Variants in PDGFC observed in about 807,000 individuals in gnomAD.
The protein encoded by PDGFC is platelet-derived growth factor C.
In PDGFC, 12 loss-of-function variants were observed where a neutral mutation model predicts 35.5. The ratio of observed to expected loss-of-function variants is 0.34; its 90% CI spans 0.22 to 0.55. The LOEUF is 0.55. Among genes scored for constraint, PDGFC ranks in the 20% least tolerant of loss-of-function variants. The pLI, the probability that PDGFC is intolerant of heterozygous loss-of-function variation, is 0.91. For missense variants in PDGFC, 322 were observed against 412.4 expected (o/e 0.78, Z 1.90); for synonymous variants, 159 against 148.8 (o/e 1.07, Z -0.50).
At chr4:156,891,631 G>A (rs1213239956) in intron 1 of PDGFC, among the ~76,000 whole-genome samples, 1 of 152,184 alleles carries the variant, frequency 6.6e-6, no homozygotes, top group Non-Finnish European at 1.5e-5. Flanking sequence ...CACCTTGCCA[G>A]TAAGAAAAGA....
At chr4:156,944,518 C>T (rs554721858) in intron 1 of PDGFC, among the ~76,000 whole-genome samples, 6 of 152,232 alleles carry the variant, frequency 3.9e-5, no homozygotes, top group African/African-American at 1.4e-4. Context: ...TACATACTTT[C>T]ACCATCACAA....
intron 3 of PDGFC, among the ~76,000 whole-genome samples, chr4:156,806,719 T>C (rs1009920382): frequency 6.6e-6 from 1 of 152,080 alleles, no homozygotes; most frequent in Non-Finnish European, 1.5e-5. Flanking sequence ...AACTGAGAAA[T>C]AAAACTTTTA....
At position 156,761,236 on chromosome 4, in the gene PDGFC, A is replaced by C. The variant is rs1407789564; in HGVS notation, c.*1854T>G. On this transcript the variant is annotated 3_prime_UTR_variant, in exon 6 of 6. Transcript: ENST00000502773. Reference sequence around the variant, plus strand: ...CATATCTTGAAGTGTGCAATGTACAATAATCCATGCACCAAATCAATTTAT... The same window carrying C: ...CATATCTTGAAGTGTGCAATGTACACTAATCCATGCACCAAATCAATTTAT... 3 of 152,216 alleles carry C rather than the reference A, an allele frequency of 2.0e-5. No homozygotes were observed. Among genetic ancestry groups the C allele is most frequent in the Non-Finnish European group, 2.9e-5 (2 of 68,026 alleles). The allele number at this position is 152,216 out of a possible 1,614,324, so 9.4% of individuals were successfully genotyped here.
intron 1 of PDGFC, among the ~76,000 whole-genome samples, chr4:156,885,606 T>G (rs342314): frequency 6.6e-6 from 1 of 151,878 alleles, no homozygotes; most frequent in African/African-American, 2.4e-5. Context: ...AAGATTTAGG[T>G]CATGGCCAAG....
chr4:156,896,969 G>A (rs577608194), intron 1 of PDGFC, among the ~76,000 whole-genome samples: 11 of 152,230 alleles, frequency 7.2e-5, no homozygotes, highest in African/African-American at 2.6e-4. Context: ...TAAAATGATG[G>A]CATCACTTTT....
At chr4:156,858,355 A>C (rs1285427274) in intron 1 of PDGFC, among the ~76,000 whole-genome samples, 5 of 152,102 alleles carry the variant, frequency 3.3e-5, no homozygotes. Context: ...AATAAGCAAT[A>C]ATCTTCTTAC....
chr4:156,775,913 G>C (rs985196800), intron 3 of PDGFC, among the ~76,000 whole-genome samples: 24 of 152,126 alleles, frequency 1.6e-4, no homozygotes, highest in African/African-American at 5.5e-4. Context: ...AAACAGGAAA[G>C]AAGAATGAAC....
At chr4:156,775,152 G>A (rs770357890) in intron 3 of PDGFC, among the ~76,000 whole-genome samples, 57 of 152,014 alleles carry the variant, frequency 3.7e-4, no homozygotes, top group Non-Finnish European at 6.5e-4. Context: ...AACTATGACT[G>A]AAAACTCTAT....
In PDGFC at chr4:156,960,273, T is replaced by A. The variant is rs575039622; in HGVS notation, c.118+10513A>T. 2.1e-3 allele frequency among the ~76,000 whole-genome samples: 312 copies of A among 147,558 alleles called. 1 individual carries two copies. Among genetic ancestry groups the A allele is most frequent in the African/African-American group, 6.4e-3 (260 of 40,620 alleles). On this transcript the variant is annotated intron_variant, in intron 1 of 5. Transcript: ENST00000502773. Reference sequence around the variant, plus strand: ...ACTGTTATATATATATATATATATATAAAACTATAAATTTGGAATATCTCT... The same window carrying A: ...ACTGTTATATATATATATATATATAAAAAACTATAAATTTGGAATATCTCT...
rs987030003 is a variant in PDGFC at position 156,901,770 on chromosome 4, C to T, written c.119-51354G>A. ...CCTGAGGAGCTCGGTGTACCACCACCCTGGGCTAATTATCCCATTTTCAGT... is the reference window on the plus strand; with the variant it reads ...CCTGAGGAGCTCGGTGTACCACCACTCTGGGCTAATTATCCCATTTTCAGT... On this transcript the variant is annotated intron_variant, in intron 1 of 5. Transcript: ENST00000502773. Among the ~76,000 whole-genome samples the T allele has an allele frequency of 7.9e-5, 12 of 152,114 alleles. No individual in the cohort carries two copies. The East Asian group carries it at 2.1e-3, about 27-fold the overall frequency.
chr4:156,970,939 C>A lies in PDGFC; in HGVS notation c.-36G>T. On this transcript the variant is annotated 5_prime_UTR_variant, in exon 1 of 6. Coordinates refer to ENST00000502773, the MANE Select transcript of PDGFC (RefSeq NM_016205.3). ...GGGGTGAGAGCTCACTCACGGCGGG[C>A]ACTTTGGAAGCAGCGACTCCCGAGT... The A allele has an allele frequency of 7.1e-7, 1 of 1,413,328 alleles. No homozygotes were observed. Among genetic ancestry groups the A allele is most frequent in the Non-Finnish European group, 1.0e-6 (1 of 1,001,008 alleles). The allele number at this position is 1,413,328 out of a possible 1,614,324, so 87.5% of individuals were successfully genotyped here.
chr4:156,945,371 AT>A (rs1315824575), intron 1 of PDGFC, among the ~76,000 whole-genome samples: 2 of 123,528 alleles, frequency 1.6e-5, no homozygotes, highest in African/African-American at 6.3e-5. Flanking sequence ...ATATATATAT[AT>A]ATATATATAT....
At chr4:156,964,030 T>C (rs1234000845) in intron 1 of PDGFC, among the ~76,000 whole-genome samples, 2 of 149,556 alleles carry the variant, frequency 1.3e-5, no homozygotes, top group East Asian at 3.9e-4. Context: ...TCCCATAGAA[T>C]ATAGTGTAAA....
chr4:156,839,534 T>A (rs1466748984), intron 2 of PDGFC, among the ~76,000 whole-genome samples: 1 of 152,094 alleles, frequency 6.6e-6, no homozygotes, highest in African/African-American at 2.4e-5. Flanking sequence ...TACAGCCGCG[T>A]GAGAATGGAC....
intron 2 of PDGFC, among the ~76,000 whole-genome samples, chr4:156,818,059 TAA>T (rs35689376): frequency 1.1e-4 from 14 of 133,074 alleles, no homozygotes; most frequent in Middle Eastern, 3.7e-3. Context: ...TACTCCGTCT[TAA>T]AAAAAAAAAA....
chr4:156,963,981 CA>C (rs199841240), intron 1 of PDGFC, among the ~76,000 whole-genome samples: 2,354 of 78,384 alleles, frequency 0.03, 29 homozygotes, highest in East Asian at 0.17. Context: ...CGGTCTTGAC[CA>C]AAAAAAAAAA....
intron 1 of PDGFC, among the ~76,000 whole-genome samples, chr4:156,970,141 C>T (rs909831764): frequency 2.0e-5 from 3 of 152,154 alleles, no homozygotes; most frequent in Non-Finnish European, 4.4e-5. Flanking sequence ...AGGATTAAGT[C>T]GTTTCCAGCA....
chr4:156,884,094 G>T (rs1321374475), intron 1 of PDGFC, among the ~76,000 whole-genome samples: 1 of 152,136 alleles, frequency 6.6e-6, no homozygotes, highest in African/African-American at 2.4e-5. Flanking sequence ...CTACTTAAAG[G>T]ATGCCTCCAA....
At chr4:156,857,800 A>G (rs1449645893) in intron 1 of PDGFC, among the ~76,000 whole-genome samples, 1 of 152,086 alleles carries the variant, frequency 6.6e-6, no homozygotes, top group African/African-American at 2.4e-5. Context: ...AATTTCGGGT[A>G]TGGAAGTGAG....
Sources: gnomAD v4.1 joint callset for allele counts (sites outside exome capture counted in the v4.1 genomes callset) on GRCh38, gnomAD v4.1.1 for gene constraint, MANE v1.5 for transcripts, NCBI Gene and HGNC (gene_info 2026-07-23, HGNC 2026-07-21) for gene names.